Variants in MTUS1 observed in about 807,000 individuals in gnomAD.
The protein encoded by MTUS1 is microtubule associated scaffold protein 1, also known as microtubule-associated tumor suppressor 1.
Under a neutral mutation model 120.8 loss-of-function variants are expected in MTUS1, and 109 were observed. That is an observed-to-expected ratio of 0.90 (90% CI 0.77 to 1.06). The LOEUF (loss-of-function observed/expected upper bound fraction) is 1.06, where lower values mean the gene tolerates loss of function less well. Among genes scored for constraint, MTUS1 ranks in the 50% least tolerant of loss-of-function variants. MTUS1 has a pLI of 0.00. For synonymous variants in MTUS1, 737 were observed against 550.5 expected (o/e 1.34, Z -4.74); for missense variants, 2,210 against 1,486.3 (o/e 1.49, Z -8.01).
In MTUS1 at chr8:17,675,179, C is replaced by A. The variant is rs1195605564; in HGVS notation, c.2905+7G>T. The A allele has an allele frequency of 2.2e-5, 36 of 1,613,942 alleles. No homozygotes were observed. The highest frequency in any genetic ancestry group is 2.5e-5 in the Non-Finnish European group (30 of 1,179,950). On this transcript the variant is annotated splice_region_variant and intron_variant, in intron 8 of 14. Transcript: ENST00000693296. ...AAAATTTAACAACAACAACAAAAAG[C>A]TCTTACCTAGCTCTCCCCGGAGGTT...
chr8:17,672,057 A>G (rs1812136785), intron 8 of MTUS1, among the ~76,000 whole-genome samples: 1 of 151,678 alleles, frequency 6.6e-6, no homozygotes, highest in Non-Finnish European at 1.5e-5. Flanking sequence ...CTTTGACTCC[A>G]CACACCACAC....
chr8:17,751,205 G>A (rs1372372380), intron 2 of MTUS1, among the ~76,000 whole-genome samples: 1 of 152,096 alleles, frequency 6.6e-6, no homozygotes, highest in Non-Finnish European at 1.5e-5. Context: ...CCAGCTACTT[G>A]GGAGAAATGC....
intron 6 of MTUS1, chr8:17,691,229 G>C (rs571076126): frequency 1.3e-5 from 2 of 152,252 alleles, no homozygotes; most frequent in South Asian, 4.1e-4. Context: ...TAAAACTCTA[G>C]TTATCTGAAA....
chr8:17,767,700 T>TCAAAAA (rs1554533205), intron 1 of MTUS1, among the ~76,000 whole-genome samples: 2 of 87,888 alleles, frequency 2.3e-5, no homozygotes, highest in African/African-American at 1.0e-4. Context: ...CCCTGTCTCT[T>TCAAAAA]AAAAAAAAAA....
chr8:17,743,910 C>G (rs964761202), intron 2 of MTUS1, 111 bp from the exon 3 acceptor site: 3 of 880,702 alleles, frequency 3.4e-6, no homozygotes, highest in South Asian at 3.6e-5. Flanking sequence ...ACCTAAAAAA[C>G]AAGTTCAGGC....
chr8:17,728,045 T>A (rs1341407186), intron 3 of MTUS1, among the ~76,000 whole-genome samples: 1 of 152,172 alleles, frequency 6.6e-6, no homozygotes, highest in African/African-American at 2.4e-5. Context: ...AAACTAAAAT[T>A]TCAATGGAAA....
chr8:17,645,739 G>T lies in MTUS1; in HGVS notation c.*187C>A. 1.5e-6 allele frequency: 1 copy of T among 655,096 alleles called. No homozygotes were observed. The highest frequency in any genetic ancestry group is 2.3e-6 in the Non-Finnish European group (1 of 428,988). 40.6% of individuals were successfully genotyped at this position (655,096 alleles called of 1,614,324 possible). On this transcript the variant is annotated 3_prime_UTR_variant, in exon 15 of 15. Coordinates refer to ENST00000693296, the MANE Select transcript of MTUS1 (RefSeq NM_001363059.2). ...TTTTTTTGGAGGAATCTTTTGGACG[G>T]AGGCAAAAGTCTTCCTCCAGAGTTC...
chr8:17,719,846 CA>C (rs1457984333), intron 4 of MTUS1, among the ~76,000 whole-genome samples: 1 of 152,120 alleles, frequency 6.6e-6, no homozygotes, highest in African/African-American at 2.4e-5. Context: ...TATTCTTTAT[CA>C]GCTTAATCAC....
At chr8:17,677,245 C>T (rs1165268289) in intron 7 of MTUS1, among the ~76,000 whole-genome samples, 3 of 152,122 alleles carry the variant, frequency 2.0e-5, no homozygotes, top group African/African-American at 7.2e-5. Context: ...AAATACTTCT[C>T]GTAATATCAA....
In MTUS1 at chr8:17,759,002, C is replaced by G. The variant is rs1218867871; in HGVS notation, c.-154-3041G>C. On this transcript the variant is annotated intron_variant, in intron 1 of 14. Coordinates refer to ENST00000693296, the MANE Select transcript of MTUS1 (RefSeq NM_001363059.2). ...GTTCAAGCGATTACCCTGCCTCAGC[C>G]TCCCGAGTAGCTGGGATTACAGGCG... Among the ~76,000 whole-genome samples the G allele has an allele frequency of 2.0e-5, 3 of 152,266 alleles. No homozygotes were observed. The East Asian group carries it at 5.8e-4, about 30-fold the overall frequency.
chr8:17,675,270 C>G lies in MTUS1; in HGVS notation c.2839-18G>C. ...TCCTCCCGCTGCGGAAAACACACAT[C>G]AAGTTACTCATGCTTTCAAGAGGGT... On this transcript the variant is annotated intron_variant, in intron 7 of 14. Transcript: ENST00000693296. The G allele has an allele frequency of 6.2e-7, 1 of 1,612,962 alleles. No individual in the cohort carries two copies. The highest frequency in any genetic ancestry group is 8.5e-7 in the Non-Finnish European group (1 of 1,179,028).
chr8:17,783,692 C>T (rs1361562352), intron 1 of MTUS1, among the ~76,000 whole-genome samples: 1 of 152,168 alleles, frequency 6.6e-6, no homozygotes, highest in Non-Finnish European at 1.5e-5. Flanking sequence ...AAGGGCCTGA[C>T]AGCCTATTGG....
chr8:17,646,911 G>C (rs146890847), intron 14 of MTUS1, 71 bp downstream of exon 14: 22 of 1,055,520 alleles, frequency 2.1e-5, no homozygotes, highest in African/African-American at 3.1e-5. Context: ...GGGGTAGAGC[G>C]TGTCCAGAAA....
At position 17,674,166 on chromosome 8, in the gene MTUS1, G is replaced by C. The variant is rs371423439; in HGVS notation, c.2905+1020C>G. ...AGAAAAGGGAGTGTCGGCTGGGTGC[G>C]GTGGCTCACACCTATAATCCCAGTA... On this transcript the variant is annotated intron_variant, in intron 8 of 14. Coordinates refer to ENST00000693296, the MANE Select transcript of MTUS1 (RefSeq NM_001363059.2). Among the ~76,000 whole-genome samples, 305 of 152,056 alleles carry C rather than the reference G, an allele frequency of 2.0e-3. 3 individuals are homozygous for C. The highest frequency in any genetic ancestry group is 7.2e-3 in the African/African-American group (298 of 41,472).
intron 3 of MTUS1, among the ~76,000 whole-genome samples, chr8:17,735,087 A>G (rs547322441): frequency 4.6e-5 from 7 of 151,962 alleles, no homozygotes; most frequent in Non-Finnish European, 1.0e-4. Flanking sequence ...CCTGTCTCTT[A>G]TATCTTTATG....
intron 8 of MTUS1, among the ~76,000 whole-genome samples, chr8:17,656,851 C>G (rs1167571077): frequency 1.3e-5 from 2 of 151,294 alleles, no homozygotes; most frequent in Non-Finnish European, 2.9e-5. Context: ...GCAGGTGGAT[C>G]ATGAGGTCAG....
At chr8:17,784,411 T>G (rs2051132534) in intron 1 of MTUS1, among the ~76,000 whole-genome samples, 1 of 149,404 alleles carries the variant, frequency 6.7e-6, no homozygotes, top group African/African-American at 2.5e-5. Flanking sequence ...TTCTCCAGCC[T>G]CAGCCTCTCA....
chr8:17,721,740 AG>A, intron 4 of MTUS1: 1 of 1,592,806 alleles, frequency 6.3e-7, no homozygotes, highest in Non-Finnish European at 8.5e-7. Flanking sequence ...TGGCTAACAA[AG>A]GAATTATACA....
Position 17,755,689 on chromosome 8 carries a change from GAA to G in MTUS1, c.117_118del (p.Ala41GlnfsTer12). On this transcript the variant is annotated frameshift_variant, in exon 2 of 15. Transcript: ENST00000693296. LOFTEE classifies it high-confidence loss of function. The stretch of plus-strand genomic sequence containing the variant: ...AGAATTCCAGTTCACACTGCTGGCT[GAA>G]GAGTTTTGTGTAGGTGGTGATTTCG... 6.2e-7 allele frequency: 1 copy of G among 1,614,202 alleles called. No individual in the cohort carries two copies. The highest frequency in any genetic ancestry group is 8.5e-7 in the Non-Finnish European group (1 of 1,180,032).
Sources: gnomAD v4.1 joint callset for allele counts (sites outside exome capture counted in the v4.1 genomes callset) on GRCh38, gnomAD v4.1.1 for gene constraint, MANE v1.5 for transcripts, NCBI Gene and HGNC (gene_info 2026-07-23, HGNC 2026-07-21) for gene names.